Variants in TDRD5 observed in about 807,000 individuals in gnomAD.
TDRD5 encodes tudor domain containing 5.
A neutral mutation model predicts 120.6 loss-of-function variants in TDRD5; 41 were observed. That is an observed-to-expected ratio of 0.34 (90% CI 0.26 to 0.44). The LOEUF (loss-of-function observed/expected upper bound fraction) is 0.44. Among genes scored for constraint, TDRD5 ranks in the 20% least tolerant of loss-of-function variants. The pLI is 1.00. For synonymous variants in TDRD5, 430 were observed against 433.7 expected (o/e 0.99, Z 0.11); for missense variants, 1,006 against 1,221.2 (o/e 0.82, Z 2.63).
Position 179,593,883 on chromosome 1 carries a change from A to G in TDRD5, c.640+16A>G, listed in dbSNP as rs962859728. On this transcript the variant is annotated intron_variant, in intron 3 of 17. Transcript: ENST00000444136. ...TGTCCAGCAGGTACGCATGTGAGCA[A>G]ATGTTGGAGCAGTCATGGCACATAG... 6 of 1,606,606 alleles carry G rather than the reference A, an allele frequency of 3.7e-6. No individual in the cohort carries two copies. The East Asian group carries it at 1.3e-4, about 36-fold the overall frequency.
In TDRD5 at chr1:179,690,947, A is replaced by T; in HGVS notation, c.*4A>T. The T allele has an allele frequency of 6.2e-7, 1 of 1,605,366 alleles. No individual in the cohort carries two copies. The highest frequency in any genetic ancestry group is 8.5e-7 in the Non-Finnish European group (1 of 1,174,520). On this transcript the variant is annotated 3_prime_UTR_variant, in exon 18 of 18. Transcript: ENST00000444136. ...TGTGAAAAGGATGGAAGCATGAGGG[A>T]GGGAGGGAGGAGGGAGAAAAACAGA...
chr1:179,602,951 T>C (rs2209920), intron 4 of TDRD5, among the ~76,000 whole-genome samples: 36,213 of 152,122 alleles, frequency 0.24, 4,823 homozygotes, highest in East Asian at 0.34. Flanking sequence ...CCGTTGAATT[T>C]GTAGGTTGCT....
At chr1:179,631,923 T>C (rs953891246) in intron 7 of TDRD5, among the ~76,000 whole-genome samples, 3 of 150,852 alleles carry the variant, frequency 2.0e-5, no homozygotes, top group Non-Finnish European at 4.4e-5. Context: ...TTTTTTTTTT[T>C]TGAGATAGAT....
chr1:179,632,497 G>C (rs1336889856), intron 7 of TDRD5, among the ~76,000 whole-genome samples: 1 of 151,512 alleles, frequency 6.6e-6, no homozygotes, highest in African/African-American at 2.4e-5. Context: ...CAGATGAGTA[G>C]AGAGAGAACA....
intron 9 of TDRD5, among the ~76,000 whole-genome samples, chr1:179,638,270 G>C (rs1352843121): frequency 8.0e-6 from 1 of 125,286 alleles, no homozygotes; most frequent in Non-Finnish European, 1.7e-5. Context: ...GAAAGGAAGA[G>C]ATAAATTGGG....
chr1:179,642,890 TA>T (rs928986156), intron 11 of TDRD5, among the ~76,000 whole-genome samples: 15 of 152,332 alleles, frequency 9.8e-5, no homozygotes, highest in African/African-American at 3.4e-4. Flanking sequence ...AAGCAAAAGT[TA>T]AATGGCAATG....
chr1:179,686,796 T>C (rs540358902), intron 17 of TDRD5, among the ~76,000 whole-genome samples: 1 of 152,352 alleles, frequency 6.6e-6, no homozygotes, highest in East Asian at 1.9e-4. Context: ...CAGGAATTTA[T>C]CCATTTCTTC....
chr1:179,685,038 CTTTAG>C (rs904899800), intron 17 of TDRD5, among the ~76,000 whole-genome samples: 2 of 152,152 alleles, frequency 1.3e-5, no homozygotes, highest in African/African-American at 4.8e-5. Context: ...TGCAGAAGCT[CTTTAG>C]TTTAGTTAGA....
chr1:179,676,093 C>T (rs1680133199), intron 17 of TDRD5, among the ~76,000 whole-genome samples: 1 of 152,204 alleles, frequency 6.6e-6, no homozygotes, highest in East Asian at 1.9e-4. Context: ...GTCCTTTTAT[C>T]ATTATATAAT....
Position 179,630,785 on chromosome 1 carries a change from C to A in TDRD5, c.991C>A (p.Leu331Ile). The A allele has an allele frequency of 6.2e-7, 1 of 1,613,398 alleles. No individual in the cohort carries two copies. Among genetic ancestry groups the A allele is most frequent in the South Asian group, 1.1e-5 (1 of 90,982 alleles). ...GEYEVIFKEQ[L>I]SPKKLGFLNV... ...GTGACAGGTAATTTTTAAAGAGCAA[C>A]TATCACCAAAAAAATTAGGCTTCTT... The change falls in exon 7 of 18, where the codon CTA becomes ATA. Residue 331 changes from leucine to isoleucine, a missense_variant. Transcript: ENST00000444136.
chr1:179,639,358 C>T (rs535025241), intron 9 of TDRD5, among the ~76,000 whole-genome samples: 2 of 152,054 alleles, frequency 1.3e-5, no homozygotes, highest in Non-Finnish European at 2.9e-5. Context: ...ATAAGTGAAT[C>T]TCAACATTTA....
chr1:179,684,425 A>G (rs1335277322), intron 17 of TDRD5, among the ~76,000 whole-genome samples: 3 of 152,038 alleles, frequency 2.0e-5, no homozygotes, highest in African/African-American at 7.2e-5. Context: ...TATGTGCCAC[A>G]TTTTCTTAAT....
At position 179,691,150 on chromosome 1, in the gene TDRD5, C is replaced by A. The variant is rs1138441; in HGVS notation, c.*207C>A. 3.4e-6 allele frequency: 2 copies of A among 579,970 alleles called. No homozygotes were observed. Among genetic ancestry groups the A allele is most frequent in the East Asian group, 3.7e-5 (1 of 26,902 alleles). The allele number at this position is 579,970 out of a possible 1,614,324, so 35.9% of individuals were successfully genotyped here. A position where few individuals can be genotyped will look rare whatever the true frequency, so the allele number is the denominator to read the frequency against. The stretch of plus-strand genomic sequence containing the variant: ...ATATTTACTGTTAATCTTGATTTTT[C>A]TTGATTTTATTCTGTGTCATTTTGT... On this transcript the variant is annotated 3_prime_UTR_variant, in exon 18 of 18. Transcript: ENST00000444136.
chr1:179,648,160 C>A (rs1310378183), intron 11 of TDRD5, among the ~76,000 whole-genome samples: 1 of 144,180 alleles, frequency 6.9e-6, no homozygotes, highest in African/African-American at 2.5e-5. Context: ...ATGTTTATTG[C>A]GGCATTATTC....
In TDRD5 at chr1:179,669,241, G is replaced by A; in HGVS notation, c.2697G>A (p.Leu899=). 1.9e-6 allele frequency: 3 copies of A among 1,614,114 alleles called. No individual in the cohort carries two copies. Among genetic ancestry groups the A allele is most frequent in the Non-Finnish European group, 2.5e-6 (3 of 1,180,040 alleles). The change falls in exon 17 of 18, where the codon TTG becomes TTA. Residue 899 remains leucine (L), a synonymous_variant. Transcript: ENST00000444136. The part of the protein sequence containing the change: ...GSSDSSTLPK[L]EEFCTSLTQS... ...CAGATTCTTCCACACTGCCCAAATTGGAAGAATTCTGTACCTCTCTTACCC... is the reference window on the plus strand; with the variant it reads ...CAGATTCTTCCACACTGCCCAAATTAGAAGAATTCTGTACCTCTCTTACCC...
intron 6 of TDRD5, among the ~76,000 whole-genome samples, chr1:179,624,080 T>C (rs947835472): frequency 6.6e-6 from 1 of 152,136 alleles, no homozygotes; most frequent in African/African-American, 2.4e-5. Flanking sequence ...CAGCAATCCC[T>C]GAACAAGAGG....
rs776544840 is a variant in TDRD5 at position 179,651,094 on chromosome 1, A to G, written c.2001+27A>G. On this transcript the variant is annotated intron_variant, in intron 12 of 17. Coordinates refer to ENST00000444136, the MANE Select transcript of TDRD5 (RefSeq NM_001199085.3). The stretch of plus-strand genomic sequence containing the variant: ...TGGAGCAGTCTGGATGTATTTTGTA[A>G]TATATTTTGTTTAATTTCACCACGT... 7 of 1,609,690 alleles carry G rather than the reference A, an allele frequency of 4.3e-6. No homozygotes were observed. The East Asian group carries it at 1.6e-4, about 36-fold the overall frequency.
rs1403214012 is a variant in TDRD5, at chr1:179,652,031, A to G, written c.2002-8A>G. ...ATTAAACCATCCCTTTTCTTTTTTT[A>G]ATCTTAGGGTTTCAGTGAGCTCAAC... On this transcript the variant is annotated splice_region_variant and splice_polypyrimidine_tract_variant and intron_variant, in intron 12 of 17. Transcript: ENST00000444136. 1 of 1,605,940 alleles carries G rather than the reference A, an allele frequency of 6.2e-7. No homozygotes were observed. The highest frequency in any genetic ancestry group is 8.5e-7 in the Non-Finnish European group (1 of 1,178,124).
Position 179,690,795 on chromosome 1 carries a change from C to G in TDRD5, c.2960C>G (p.Ser987Cys), listed in dbSNP as rs1558436146. The part of the protein sequence containing the change: ...DKRQESVDQL[S>C]LILSYECQIS... Reference sequence around the variant, plus strand: ...CGTCAAGAATCTGTAGACCAGCTGTCTTTGATTTTGTCTTATGAGTGCCAG... The same window carrying G: ...CGTCAAGAATCTGTAGACCAGCTGTGTTTGATTTTGTCTTATGAGTGCCAG... The change falls in exon 18 of 18, where the codon TCT becomes TGT. Residue 987 changes from serine (S) to cysteine (C), a missense_variant. Physicochemically the swap from Ser to Cys is moderately radical, Grantham distance 112. Around this residue, in one of 3 missense-constraint regions of TDRD5, gnomAD observed 403 missense variants for 448.1 expected, o/e 0.90. Coordinates refer to ENST00000444136, the MANE Select transcript of TDRD5 (RefSeq NM_001199085.3). The G allele has an allele frequency of 6.2e-7, 1 of 1,614,098 alleles. No individual in the cohort carries two copies. The highest frequency in any genetic ancestry group is 1.3e-5 in the African/African-American group (1 of 74,930).
Sources: allele counts gnomAD v4.1 joint callset (sites outside exome capture counted in the v4.1 genomes callset), GRCh38; gene constraint gnomAD v4.1.1; regional missense constraint gnomAD v4.1.1; transcripts MANE v1.5; gene names NCBI Gene and HGNC (gene_info 2026-07-23, HGNC 2026-07-21).